The following PAPPA variants were observed in gnomAD, a reference collection of about 807,000 sequenced individuals.
The protein encoded by PAPPA is pappalysin-1.
Under a neutral mutation model 164.0 loss-of-function variants are expected in PAPPA, and 60 were observed. That is an observed-to-expected ratio of 0.37 (90% confidence interval 0.30 to 0.45). The LOEUF (loss-of-function observed/expected upper bound fraction) is 0.45. Ranked by LOEUF, PAPPA falls within the 20% of genes least tolerant of loss-of-function variation. The pLI is 1.00. For missense variants in PAPPA, 1,782 were observed against 2,087.3 expected (o/e 0.85, Z 2.85); for synonymous variants, 875 against 814.1 (o/e 1.07, Z -1.27).
chr9:116,333,226 C>T (rs1359677588), intron 12 of PAPPA, among the ~76,000 whole-genome samples: 3 of 152,174 alleles, frequency 2.0e-5, no homozygotes, highest in East Asian at 1.9e-4. Flanking sequence ...ATCTTCCTGT[C>T]CTCACAGCAC....
intron 1 of PAPPA, among the ~76,000 whole-genome samples, chr9:116,184,415 G>A (rs182353754): frequency 3.6e-4 from 55 of 152,122 alleles, no homozygotes; most frequent in East Asian, 3.5e-3. Flanking sequence ...TTGATATGTC[G>A]TGCAAGATGC....
chr9:116,185,407 A>G (rs1355697683), intron 1 of PAPPA, among the ~76,000 whole-genome samples: 1 of 152,210 alleles, frequency 6.6e-6, no homozygotes, highest in East Asian at 1.9e-4. Context: ...CTAAGCTCCC[A>G]CTGCCCACAG....
intron 19 of PAPPA, among the ~76,000 whole-genome samples, chr9:116,372,831 A>T (rs951672893): frequency 2.6e-5 from 4 of 152,136 alleles, no homozygotes; most frequent in Non-Finnish European, 5.9e-5. Flanking sequence ...TATATATGCC[A>T]TTTCATTTTG....
intron 19 of PAPPA, among the ~76,000 whole-genome samples, chr9:116,373,903 T>C (rs1342421430): frequency 6.6e-6 from 1 of 152,142 alleles, no homozygotes; most frequent in Non-Finnish European, 1.5e-5. Flanking sequence ...GAGTCAAAAA[T>C]AGTACCTATC....
At chr9:116,394,989 A>G (rs1239323392) in intron 21 of PAPPA, among the ~76,000 whole-genome samples, 1 of 152,218 alleles carries the variant, frequency 6.6e-6, no homozygotes, top group Non-Finnish European at 1.5e-5. Context: ...GACCAAAAAA[A>G]TAAAGGAGAG....
chr9:116,391,273 C>T (rs1354956), intron 21 of PAPPA, among the ~76,000 whole-genome samples: 60,200 of 151,962 alleles, frequency 0.4, 12,202 homozygotes, highest in Middle Eastern at 0.45. Flanking sequence ...GGGGAATCCT[C>T]GTCCTTGGCA....
intron 8 of PAPPA, among the ~76,000 whole-genome samples, chr9:116,269,269 C>T (rs958451263): frequency 6.6e-6 from 1 of 152,174 alleles, no homozygotes; most frequent in Admixed American, 6.5e-5. Context: ...CAAGCTTCCA[C>T]ATCTGGTAAG....
At chr9:116,394,677 C>T (rs1588034704) in intron 21 of PAPPA, among the ~76,000 whole-genome samples, 1 of 152,134 alleles carries the variant, frequency 6.6e-6, no homozygotes, top group Non-Finnish European at 1.5e-5. Flanking sequence ...ATGTATTCCA[C>T]AAAGTCACAG....
At chr9:116,379,221 C>T (rs762659745) in intron 20 of PAPPA, among the ~76,000 whole-genome samples, 7 of 152,202 alleles carry the variant, frequency 4.6e-5, no homozygotes, top group Non-Finnish European at 7.3e-5. Context: ...CCCCTCATCT[C>T]CTGTCCTCTT....
chr9:116,196,438 A>G (rs141910337), intron 2 of PAPPA, among the ~76,000 whole-genome samples: 3 of 152,326 alleles, frequency 2.0e-5, no homozygotes, highest in Non-Finnish European at 4.4e-5. Context: ...ACTTGGTCAG[A>G]TGCCCTTCCA....
chr9:116,205,751 CTCTT>C (rs1332418590), intron 2 of PAPPA, among the ~76,000 whole-genome samples: 4 of 152,186 alleles, frequency 2.6e-5, no homozygotes, highest in Admixed American at 2.6e-4. Flanking sequence ...CCTTTACACT[CTCTT>C]TATTAACTAC....
chr9:116,189,440 A>G (rs1299181254), intron 2 of PAPPA, among the ~76,000 whole-genome samples: 1 of 152,224 alleles, frequency 6.6e-6, no homozygotes, highest in Non-Finnish European at 1.5e-5. Flanking sequence ...AAATTTTGAC[A>G]TCAGAAATTG....
Position 116,352,714 on chromosome 9 carries a change from A to G in PAPPA, c.3973A>G (p.Ser1325Gly), listed in dbSNP as rs1846298042. The change falls in exon 16 of 22, where the codon AGC becomes GGC. Residue 1325 changes from serine (S) to glycine (G), a missense_variant. By Grantham distance (56) the Ser-to-Gly change is moderately conservative (BLOSUM62 0). This residue lies in a region of PAPPA where 1,324 missense variants were observed against 1,656.9 expected (regional missense o/e 0.80). Transcript: ENST00000328252. ...TTGCCTATGTCTTCCAGGCAACAACAGCCTCCTGACCTGCATGGAGGATGG... is the reference window on the plus strand; with the variant it reads ...TTGCCTATGTCTTCCAGGCAACAACGGCCTCCTGACCTGCATGGAGGATGG... The part of the protein sequence containing the change: ...RHPAQLKGNN[S>G]LLTCMEDGLW... 1 of 1,612,564 alleles carries G rather than the reference A, an allele frequency of 6.2e-7. No homozygotes were observed. Among genetic ancestry groups the G allele is most frequent in the Non-Finnish European group, 8.5e-7 (1 of 1,179,926 alleles).
chr9:116,387,143 G>A (rs759067673), intron 21 of PAPPA, among the ~76,000 whole-genome samples: 33 of 152,070 alleles, frequency 2.2e-4, no homozygotes, highest in Non-Finnish European at 2.4e-4. Flanking sequence ...AGTTAACTGA[G>A]CACTTAATAT....
chr9:116,317,082 C>G (rs550616009), intron 10 of PAPPA, among the ~76,000 whole-genome samples: 1 of 152,182 alleles, frequency 6.6e-6, no homozygotes, highest in South Asian at 2.1e-4. Flanking sequence ...ATTTGGAAAG[C>G]TGAATAACAG....
At chr9:116,161,860 T>C (rs1388863619) in intron 1 of PAPPA, among the ~76,000 whole-genome samples, 1 of 152,146 alleles carries the variant, frequency 6.6e-6, no homozygotes, top group East Asian at 1.9e-4. Context: ...AATAAAAAGT[T>C]AAAAATACTA....
chr9:116,324,183 G>A (rs1055558542), intron 10 of PAPPA, among the ~76,000 whole-genome samples: 2 of 152,204 alleles, frequency 1.3e-5, no homozygotes, highest in Non-Finnish European at 2.9e-5. Context: ...CTCTCTTGAA[G>A]TTAACATCTA....
chr9:116,322,349 G>A (rs1257822943), intron 10 of PAPPA, among the ~76,000 whole-genome samples: 1 of 148,986 alleles, frequency 6.7e-6, no homozygotes, highest in Non-Finnish European at 1.5e-5. Context: ...GGCAGAGGTT[G>A]CAGTGAGCTG....
intron 9 of PAPPA, among the ~76,000 whole-genome samples, chr9:116,299,779 C>T (rs1845556971): frequency 6.6e-6 from 1 of 152,074 alleles, no homozygotes; most frequent in Non-Finnish European, 1.5e-5. Flanking sequence ...TCCTCAAGCT[C>T]ACAGTTTTCC....
Sources: allele counts gnomAD v4.1 joint callset (sites outside exome capture counted in the v4.1 genomes callset), GRCh38; gene constraint gnomAD v4.1.1; regional missense constraint gnomAD v4.1.1; transcripts MANE v1.5; gene names NCBI Gene and HGNC (gene_info 2026-07-23, HGNC 2026-07-21).